The following MALRD1 variants were observed in gnomAD, a reference collection of about 807,000 sequenced individuals.
MALRD1 encodes MAM and LDL receptor class A domain containing 1.
Under a neutral mutation model 242.1 loss-of-function variants are expected in MALRD1, and 247 were observed. That is an observed-to-expected ratio of 1.02 (90% CI 0.92 to 1.13). The LOEUF (loss-of-function observed/expected upper bound fraction) is 1.13. Among genes scored for constraint, MALRD1 ranks in the 50% most tolerant of loss-of-function variants. MALRD1 has a pLI of 0.00. For missense variants in MALRD1, 2,989 were observed against 2,533.1 expected, an observed-to-expected ratio of 1.18 and a Z score of -3.86; for synonymous variants, 995 against 866.6, an observed-to-expected ratio of 1.15 and a Z score of -2.60.
At chr10:19,440,180 T>C (rs1416699688) in intron 28 of MALRD1, among the ~76,000 whole-genome samples, 1 of 152,240 alleles carries the variant, frequency 6.6e-6, no homozygotes, top group East Asian at 1.9e-4. Context: ...ATTTTCGCAT[T>C]GACTTCGGGA....
At chr10:19,511,517 T>G (rs1833399764) in intron 31 of MALRD1, among the ~76,000 whole-genome samples, 1 of 152,220 alleles carries the variant, frequency 6.6e-6, no homozygotes, top group Non-Finnish European at 1.5e-5. Context: ...AACTATTTTT[T>G]GTTGTTCTTA....
intron 36 of MALRD1, among the ~76,000 whole-genome samples, chr10:19,665,237 C>T (rs1369139322): frequency 6.6e-6 from 1 of 151,946 alleles, no homozygotes; most frequent in African/African-American, 2.4e-5. Context: ...AGAGAAGTGA[C>T]AAGACAAAAC....
At chr10:19,724,948 G>C (rs1834949961) in intron 38 of MALRD1, 1 of 151,990 alleles carries the variant, frequency 6.6e-6, no homozygotes, top group African/African-American at 2.4e-5. Flanking sequence ...AATCAGAAAA[G>C]GAATCTTGAA....
At chr10:19,381,463 T>C (rs757469547) in intron 26 of MALRD1, among the ~76,000 whole-genome samples, 31 of 152,164 alleles carry the variant, frequency 2.0e-4, no homozygotes, top group Middle Eastern at 3.4e-3. Flanking sequence ...AAATGTCTTG[T>C]CTCTAAATAG....
intron 18 of MALRD1, among the ~76,000 whole-genome samples, chr10:19,230,390 G>GA (rs1027021649): frequency 1.1e-4 from 17 of 152,160 alleles, no homozygotes; most frequent in African/African-American, 4.1e-4. Context: ...CTGCTTCCAG[G>GA]GGGGGCCTCA....
chr10:19,582,205 G>C (rs1452905331), intron 33 of MALRD1, among the ~76,000 whole-genome samples: 1 of 151,954 alleles, frequency 6.6e-6, no homozygotes, highest in Non-Finnish European at 1.5e-5. Context: ...TTCTTTTGCT[G>C]TGCAGAAGCT....
At chr10:19,472,722 G>A (rs1486365366) in intron 29 of MALRD1, among the ~76,000 whole-genome samples, 3 of 151,452 alleles carry the variant, frequency 2.0e-5, no homozygotes, top group Non-Finnish European at 4.4e-5. Flanking sequence ...ATGATCCTTT[G>A]TATCTCTGTG....
chr10:19,340,629 T>C (rs976881781), intron 24 of MALRD1, among the ~76,000 whole-genome samples: 2 of 152,104 alleles, frequency 1.3e-5, no homozygotes, highest in African/African-American at 4.8e-5. Flanking sequence ...CTGCATAGAC[T>C]GGGAGGATGA....
At chr10:19,263,235 G>A (rs764178453) in intron 19 of MALRD1, among the ~76,000 whole-genome samples, 70 of 152,038 alleles carry the variant, frequency 4.6e-4, no homozygotes, top group Non-Finnish European at 7.6e-4. Flanking sequence ...TTTCATAATG[G>A]CTGTATCAAT....
At chr10:19,613,211 G>A (rs1281532230) in intron 35 of MALRD1, among the ~76,000 whole-genome samples, 1 of 151,780 alleles carries the variant, frequency 6.6e-6, no homozygotes, top group Admixed American at 6.6e-5. Flanking sequence ...TATCTAAAAG[G>A]CAGAGAAAAA....
intron 18 of MALRD1, among the ~76,000 whole-genome samples, chr10:19,219,483 C>G (rs754916813): frequency 2.0e-5 from 3 of 152,116 alleles, no homozygotes; most frequent in African/African-American, 4.8e-5. Context: ...GTTGCCCAGA[C>G]TGGAGTTCAG....
Position 19,054,830 on chromosome 10 carries a change from T to C in MALRD1, c.199+5693T>C, listed in dbSNP as rs567626057. Among the ~76,000 whole-genome samples the C allele has an allele frequency of 3.9e-5, 6 of 152,332 alleles. No homozygotes were observed. In the South Asian group the frequency reaches 6.2e-4, roughly 16 times the overall value. ...GTACACTTAAATTGATTCTACATCTTGGCGATTGTGAATAGTACTGCAATA... is the reference window on the plus strand; with the variant it reads ...GTACACTTAAATTGATTCTACATCTCGGCGATTGTGAATAGTACTGCAATA... On this transcript the variant is annotated intron_variant, in intron 1 of 39. Transcript: ENST00000454679.
At chr10:19,570,039 A>G (rs900849848) in intron 33 of MALRD1, among the ~76,000 whole-genome samples, 1 of 151,954 alleles carries the variant, frequency 6.6e-6, no homozygotes, top group Middle Eastern at 3.2e-3. Flanking sequence ...ACTAAAGTAT[A>G]AAGGTTCATC....
At chr10:19,095,188 G>A (rs1177467626) in intron 4 of MALRD1, among the ~76,000 whole-genome samples, 1 of 152,160 alleles carries the variant, frequency 6.6e-6, no homozygotes, top group Non-Finnish European at 1.5e-5. Context: ...GAGTGCCTAA[G>A]AGGAAAAGAA....
At chr10:19,581,804 C>T (rs1284324878) in intron 33 of MALRD1, among the ~76,000 whole-genome samples, 1 of 151,036 alleles carries the variant, frequency 6.6e-6, no homozygotes, top group Non-Finnish European at 1.5e-5. Flanking sequence ...CACTGACTTC[C>T]ACAATGGTTG....
chr10:19,056,050 A>G (rs10826893), intron 1 of MALRD1, among the ~76,000 whole-genome samples: 43,884 of 151,952 alleles, frequency 0.29, 6,463 homozygotes, highest in Admixed American at 0.36. Context: ...CTGTTGGTGT[A>G]TGTGTCTGTT....
chr10:19,523,471 T>G (rs1360050663), intron 31 of MALRD1, among the ~76,000 whole-genome samples: 3 of 152,204 alleles, frequency 2.0e-5, no homozygotes, highest in African/African-American at 7.2e-5. Flanking sequence ...ATTTATTAGT[T>G]TTGCCTTCTC....
intron 39 of MALRD1, among the ~76,000 whole-genome samples, chr10:19,731,407 C>G (rs1389865671): frequency 6.6e-6 from 1 of 151,838 alleles, no homozygotes; most frequent in Non-Finnish European, 1.5e-5. Flanking sequence ...TTAAGGTATA[C>G]ATTATATTTT....
chr10:19,120,794 G>T (rs892977814), intron 5 of MALRD1, among the ~76,000 whole-genome samples: 1 of 152,118 alleles, frequency 6.6e-6, no homozygotes, highest in Admixed American at 6.5e-5. Context: ...GCCCAAGCTG[G>T]AGTGCAGTGG....
Sources: allele counts gnomAD v4.1 joint callset (sites outside exome capture counted in the v4.1 genomes callset), GRCh38; gene constraint gnomAD v4.1.1; transcripts MANE v1.5; gene names NCBI Gene and HGNC (gene_info 2026-07-23, HGNC 2026-07-21).